PTPRN2: variants seen among roughly 807,000 people sequenced by gnomAD.
PTPRN2 encodes protein tyrosine phosphatase receptor type N2.
PTPRN2 carries 74 observed loss-of-function variants against 118.8 expected under a neutral mutation model. The ratio of observed to expected loss-of-function variants is 0.62; its 90% CI spans 0.52 to 0.76. The LOEUF is 0.76. Among genes scored for constraint, PTPRN2 ranks in the 30% least tolerant of loss-of-function variants. PTPRN2 has a pLI of 0.00. For missense variants in PTPRN2, 1,481 were observed against 1,394.4 expected, an observed-to-expected ratio of 1.06 and a Z score of -0.99; for synonymous variants, 641 against 608.0, an observed-to-expected ratio of 1.05 and a Z score of -0.80.
rs890577153 is a variant in PTPRN2 at position 158,525,814 on chromosome 7, C to A, written c.113-36029G>T. ...GCCACCTCTCTCTGCTGTGCTCACA[C>A]AGTGTGGAAGCTCCCGCTTCAGCAA... On this transcript the variant is annotated intron_variant, in intron 1 of 22. Transcript: ENST00000389418. The surrounding 1 kb of genome is among the most constrained non-coding windows in gnomAD (Gnocchi z 4.1). Among the ~76,000 whole-genome samples, 4 of 152,172 alleles carry A rather than the reference C, an allele frequency of 2.6e-5. No homozygotes were observed. The highest frequency in any genetic ancestry group is 9.7e-5 in the African/African-American group (4 of 41,446).
chr7:157,993,842 G>C (rs1438747509), intron 11 of PTPRN2, among the ~76,000 whole-genome samples: 1 of 152,162 alleles, frequency 6.6e-6, no homozygotes, highest in Non-Finnish European at 1.5e-5. Flanking sequence ...CCCAGAGCTG[G>C]ACGATCTCTC....
At chr7:158,286,558 A>G (rs1799783417) in intron 3 of PTPRN2, among the ~76,000 whole-genome samples, 2 of 152,172 alleles carry the variant, frequency 1.3e-5, no homozygotes, top group South Asian at 4.1e-4. Context: ...GAGTGTTTTT[A>G]TTATGAGAGG....
chr7:158,270,800 ACCC>A (rs1246539166), intron 3 of PTPRN2, among the ~76,000 whole-genome samples: 3 of 11,466 alleles, frequency 2.6e-4, no homozygotes, highest in Non-Finnish European at 4.5e-4. Flanking sequence ...CACCTGGACC[ACCC>A]CCTCACCTGG....
In PTPRN2 at chr7:158,529,901, CACAGCACACAT is replaced by C. The variant is rs1483431891; in HGVS notation, c.113-40127_113-40117del. On this transcript the variant is annotated intron_variant, in intron 1 of 22. Transcript: ENST00000389418. This position sits in a 1 kb window ranked among gnomAD's most constrained non-coding sequence, Gnocchi z 4.7. ...ATATGCACACCACACACGTGCCACA[CACAGCACACAT>C]ATGCACGCTACCACACACATGCACA... Among the ~76,000 whole-genome samples the C allele has an allele frequency of 5.3e-5, 8 of 152,090 alleles. No individual in the cohort carries two copies. Among genetic ancestry groups the C allele is most frequent in the South Asian group, 4.2e-4 (2 of 4,816 alleles).
intron 12 of PTPRN2, among the ~76,000 whole-genome samples, chr7:157,753,554 T>C (rs1164450596): frequency 6.6e-6 from 1 of 152,180 alleles, no homozygotes; most frequent in Non-Finnish European, 1.5e-5. Flanking sequence ...AGCATGGCAG[T>C]GACCCTTCCT....
chr7:158,430,625 C>T (rs1265529625), intron 2 of PTPRN2, among the ~76,000 whole-genome samples: 5 of 152,214 alleles, frequency 3.3e-5, no homozygotes, highest in Non-Finnish European at 7.3e-5. Flanking sequence ...CCACAAGAGA[C>T]GCAGCATGGC....
chr7:157,751,669 C>T (rs538281526), intron 12 of PTPRN2, among the ~76,000 whole-genome samples: 38 of 152,208 alleles, frequency 2.5e-4, no homozygotes, highest in Middle Eastern at 3.4e-3. Context: ...TTACTCTGCA[C>T]CGCTGACACG....
chr7:157,944,342 G>A lies in PTPRN2; in HGVS notation c.1724-45605C>T, dbSNP rs1305545461. Among the ~76,000 whole-genome samples the A allele has an allele frequency of 6.6e-6, 1 of 152,156 alleles. No homozygotes were observed. Among genetic ancestry groups the A allele is most frequent in the Non-Finnish European group, 1.5e-5 (1 of 68,030 alleles). ...TGGAGCCCACCACCCAAGCGGGGGCGGTACCACTCCCACCACTGACTGAAC... is the reference window on the plus strand; with the variant it reads ...TGGAGCCCACCACCCAAGCGGGGGCAGTACCACTCCCACCACTGACTGAAC... On this transcript the variant is annotated intron_variant, in intron 11 of 22. Transcript: ENST00000389418. This position sits in a 1 kb window ranked among gnomAD's most constrained non-coding sequence, Gnocchi z 4.3.
rs530845377 is a variant in PTPRN2, at chr7:157,657,138, C to T, written c.2002-587G>A. 1.6e-3 allele frequency among the ~76,000 whole-genome samples: 202 copies of T among 123,076 alleles called. 5 individuals carry two copies. The highest frequency in any genetic ancestry group is 2.1e-3 in the South Asian group (7 of 3,308). The allele number at this position is 123,076 out of a possible 152,430, so 80.7% of individuals were successfully genotyped here. A position where few individuals can be genotyped will look rare whatever the true frequency, so the allele number is the denominator to read the frequency against. ...CACATCACACATATACACACACATACGCCACACACACACACCACACACATC... is the reference window on the plus strand; with the variant it reads ...CACATCACACATATACACACACATATGCCACACACACACACCACACACATC... On this transcript the variant is annotated intron_variant, in intron 13 of 22. Transcript: ENST00000389418.
At chr7:158,403,225 C>T (rs747823509) in intron 2 of PTPRN2, among the ~76,000 whole-genome samples, 4 of 152,250 alleles carry the variant, frequency 2.6e-5, no homozygotes, top group Non-Finnish European at 4.4e-5. Flanking sequence ...CAGGGGAGCA[C>T]ATGTGAGCAC....
intron 21 of PTPRN2, among the ~76,000 whole-genome samples, chr7:157,564,863 A>G (rs1305523660): frequency 6.6e-6 from 1 of 152,230 alleles, no homozygotes; most frequent in East Asian, 1.9e-4. Flanking sequence ...CCACATTCAC[A>G]GCAGGATTAC....
chr7:158,290,035 T>TA (rs1800014041), intron 3 of PTPRN2, among the ~76,000 whole-genome samples: 1 of 152,244 alleles, frequency 6.6e-6, no homozygotes, highest in African/African-American at 2.4e-5. Context: ...GGACTGGTGC[T>TA]AGGGTAGGCC....
intron 2 of PTPRN2, among the ~76,000 whole-genome samples, chr7:158,377,594 C>A (rs985494974): frequency 5.3e-5 from 8 of 152,176 alleles, no homozygotes; most frequent in Admixed American, 5.2e-4. Context: ...GAAATGCACA[C>A]ACAATTTTCC....
intron 1 of PTPRN2, among the ~76,000 whole-genome samples, chr7:158,503,552 A>G (rs1005101417): frequency 6.6e-6 from 1 of 152,238 alleles, no homozygotes; most frequent in African/African-American, 2.4e-5. Flanking sequence ...AGCCGGCACC[A>G]CAAGAATGGA....
intron 9 of PTPRN2, among the ~76,000 whole-genome samples, chr7:158,118,404 AC>A (rs1478116229): frequency 6.6e-6 from 1 of 152,256 alleles, no homozygotes; most frequent in African/African-American, 2.4e-5. Context: ...CATAATACGT[AC>A]AAAAAGAAGA....
intron 11 of PTPRN2, among the ~76,000 whole-genome samples, chr7:157,965,104 C>T (rs10271785): frequency 0.55 from 82,994 of 152,022 alleles, 23,773 homozygotes; most frequent in African/African-American, 0.73. Context: ...AGACAGGGAC[C>T]TGAAAACAGG....
chr7:158,262,908 TCA>T (rs1797589684), intron 3 of PTPRN2, among the ~76,000 whole-genome samples: 1 of 123,616 alleles, frequency 8.1e-6, no homozygotes, highest in East Asian at 2.6e-4. Context: ...CTGCAAACAT[TCA>T]CACTGCACAC....
chr7:157,714,499 G>A (rs1052133161), intron 12 of PTPRN2, among the ~76,000 whole-genome samples: 1 of 152,204 alleles, frequency 6.6e-6, no homozygotes, highest in African/African-American at 2.4e-5. Context: ...GGAGGCTTAA[G>A]ATCTGTAGAA....
intron 11 of PTPRN2, among the ~76,000 whole-genome samples, chr7:157,937,772 A>G (rs1391662710): frequency 2.0e-5 from 3 of 152,230 alleles, no homozygotes; most frequent in Non-Finnish European, 4.4e-5. Flanking sequence ...CATATTTACA[A>G]AGACACCACA....
Sources: allele counts gnomAD v4.1 joint callset (sites outside exome capture counted in the v4.1 genomes callset), GRCh38; gene constraint gnomAD v4.1.1; non-coding constraint Gnocchi (gnomAD v3.1); transcripts MANE v1.5; gene names NCBI Gene and HGNC (gene_info 2026-07-23, HGNC 2026-07-21).